The following CDKAL1 variants were observed in gnomAD, a reference collection of about 807,000 sequenced individuals.
The protein encoded by CDKAL1 is threonylcarbamoyladenosine tRNA methylthiotransferase.
Under a neutral mutation model 68.2 loss-of-function variants are expected in CDKAL1, and 32 were observed. The ratio of observed to expected loss-of-function variants is 0.47; its 90% CI spans 0.35 to 0.63. CDKAL1 has a LOEUF of 0.63. CDKAL1 is among the 30% of genes least tolerant of loss of function. The probability of loss-of-function intolerance (pLI) is 0.00; values close to 1 mark genes in which losing one functional copy is unlikely to be tolerated. For missense variants in CDKAL1, 606 were observed against 696.7 expected (o/e 0.87, Z 1.47); for synonymous variants, 234 against 244.3 (o/e 0.96, Z 0.39).
At chr6:21,068,250 G>T (rs980288184) in intron 12 of CDKAL1, among the ~76,000 whole-genome samples, 5 of 151,692 alleles carry the variant, frequency 3.3e-5, no homozygotes, top group African/African-American at 7.3e-5. Flanking sequence ...TTATGTTAGT[G>T]CTTTTTGTGT....
chr6:20,540,710 C>A (rs1171117697), intron 2 of CDKAL1, among the ~76,000 whole-genome samples: 1 of 152,212 alleles, frequency 6.6e-6, no homozygotes, highest in African/African-American at 2.4e-5. Flanking sequence ...TCCGCCTCAG[C>A]CTCCCAAAGT....
At chr6:21,095,304 C>T (rs1298563887) in intron 12 of CDKAL1, among the ~76,000 whole-genome samples, 1 of 152,116 alleles carries the variant, frequency 6.6e-6, no homozygotes, top group Non-Finnish European at 1.5e-5. Flanking sequence ...AAGTGGTGGA[C>T]CTGAGGCATC....
chr6:21,174,427 G>A (rs1381705504), intron 13 of CDKAL1, among the ~76,000 whole-genome samples: 1 of 152,022 alleles, frequency 6.6e-6, no homozygotes, highest in Non-Finnish European at 1.5e-5. Context: ...GGTAAACAAA[G>A]TTTAAATGAG....
At chr6:20,848,279 G>GTTTTTTTGTTTTT (rs753304984) in intron 9 of CDKAL1, among the ~76,000 whole-genome samples, 60 of 62,342 alleles carry the variant, frequency 9.6e-4, no homozygotes, top group South Asian at 1.8e-3. Context: ...CTGGAAAGTT[G>GTTTTTTTGTTTTT]TTTTTTTTTT....
chr6:20,782,794 A>G (rs1444557650), intron 8 of CDKAL1, among the ~76,000 whole-genome samples: 1 of 150,944 alleles, frequency 6.6e-6, no homozygotes, highest in South Asian at 2.1e-4. Context: ...TATTGACTGA[A>G]TGAATGAATA....
intron 5 of CDKAL1, among the ~76,000 whole-genome samples, chr6:20,679,934 A>G (rs914394963): frequency 6.6e-6 from 1 of 151,980 alleles, no homozygotes. Context: ...TTGAATTACA[A>G]TCTTAAATAT....
intron 6 of CDKAL1, among the ~76,000 whole-genome samples, chr6:20,747,336 A>T (rs1045299513): frequency 6.6e-6 from 1 of 152,140 alleles, no homozygotes; most frequent in South Asian, 2.1e-4. Flanking sequence ...TGCTGATTTC[A>T]TTTCCTTTGG....
chr6:20,665,918 C>T (rs1399493085), intron 5 of CDKAL1, among the ~76,000 whole-genome samples: 1 of 151,584 alleles, frequency 6.6e-6, no homozygotes, highest in Non-Finnish European at 1.5e-5. Flanking sequence ...CATCTAGCAC[C>T]TCTGACTTCG....
At chr6:20,594,599 A>G (rs959341450) in intron 4 of CDKAL1, among the ~76,000 whole-genome samples, 2 of 152,120 alleles carry the variant, frequency 1.3e-5, no homozygotes, top group Non-Finnish European at 2.9e-5. Context: ...GGTCTCCTGA[A>G]TACAGCATGC....
chr6:20,935,725 C>T (rs941417124), intron 9 of CDKAL1, among the ~76,000 whole-genome samples: 12 of 152,112 alleles, frequency 7.9e-5, no homozygotes, highest in Admixed American at 3.3e-4. Flanking sequence ...CCACCATGCC[C>T]GGCCAAAATT....
chr6:20,764,891 A>G (rs1774625808), intron 7 of CDKAL1, among the ~76,000 whole-genome samples: 3 of 152,272 alleles, frequency 2.0e-5, no homozygotes, highest in South Asian at 4.1e-4. Flanking sequence ...TACAGTTAGT[A>G]TAGTCTGAAT....
chr6:21,069,774 C>CTTT (rs60241965), intron 12 of CDKAL1, among the ~76,000 whole-genome samples: 10 of 69,942 alleles, frequency 1.4e-4, no homozygotes, highest in African/African-American at 1.8e-4. Flanking sequence ...GATTTTCTTT[C>CTTT]TTTTTTTTTT....
intron 11 of CDKAL1, among the ~76,000 whole-genome samples, chr6:21,054,127 G>A (rs1770699714): frequency 6.6e-6 from 1 of 152,074 alleles, no homozygotes; most frequent in Non-Finnish European, 1.5e-5. Context: ...ATATTTTTGT[G>A]TATAATGTAA....
rs187662087 is a variant in CDKAL1 at position 21,077,215 on chromosome 6, C to T, written c.1236+11987C>T. ...GTTATCTACATTTCCCATTCTTTCA[C>T]CTTCTATTTTATTATGAATCTAATG... On this transcript the variant is annotated intron_variant, in intron 12 of 15. Transcript: ENST00000274695. 3.3e-3 allele frequency among the ~76,000 whole-genome samples: 504 copies of T among 152,142 alleles called. 3 individuals carry two copies. Among genetic ancestry groups the T allele is most frequent in the Non-Finnish European group, 5.5e-3 (375 of 67,990 alleles).
At chr6:21,171,344 C>G (rs928147483) in intron 13 of CDKAL1, among the ~76,000 whole-genome samples, 3 of 151,966 alleles carry the variant, frequency 2.0e-5, no homozygotes, top group African/African-American at 7.3e-5. Flanking sequence ...TCCCGAGTAG[C>G]TGGGATTACA....
rs1368186937 is a variant in CDKAL1, at chr6:21,103,075, C to T, written c.1237-5326C>T. Among the ~76,000 whole-genome samples the T allele has an allele frequency of 3.9e-5, 6 of 152,102 alleles. No individual in the cohort carries two copies. In the South Asian group the frequency reaches 6.2e-4, roughly 16 times the overall value. ...GTAGGCTTTATCATTTTTAAGAATC[C>T]GTATGTAGAAATGAAGTCCATAGTC... is the stretch of plus-strand genomic sequence containing the variant. On this transcript the variant is annotated intron_variant, in intron 12 of 15. Coordinates refer to ENST00000274695, the MANE Select transcript of CDKAL1 (RefSeq NM_017774.3).
chr6:20,986,371 T>A (rs542581663), intron 10 of CDKAL1, among the ~76,000 whole-genome samples: 1 of 152,304 alleles, frequency 6.6e-6, no homozygotes, highest in African/African-American at 2.4e-5. Context: ...CTTTTAATAA[T>A]GGTTGTTTTC....
At position 21,104,489 on chromosome 6, in the gene CDKAL1, T is replaced by G. The variant is rs149762848; in HGVS notation, c.1237-3912T>G. Among the ~76,000 whole-genome samples the G allele has an allele frequency of 1.3e-3, 192 of 151,588 alleles. 2 individuals carry two copies. The highest frequency in any genetic ancestry group is 4.5e-3 in the African/African-American group (184 of 41,264). On this transcript the variant is annotated intron_variant, in intron 12 of 15. Coordinates refer to ENST00000274695, the MANE Select transcript of CDKAL1 (RefSeq NM_017774.3). ...GGCCAGATAGTAAATACTTTAGGAT[T>G]TGTGGCTGTATTTCAGTAAAACTTT...
chr6:21,129,325 T>A (rs1284819467), intron 13 of CDKAL1, among the ~76,000 whole-genome samples: 1 of 151,908 alleles, frequency 6.6e-6, no homozygotes, highest in Non-Finnish European at 1.5e-5. Context: ...AAAAGAAACC[T>A]AACCAGCTGG....
Sources: gnomAD v4.1 joint callset for allele counts (sites outside exome capture counted in the v4.1 genomes callset) on GRCh38, gnomAD v4.1.1 for gene constraint, MANE v1.5 for transcripts, NCBI Gene and HGNC (gene_info 2026-07-23, HGNC 2026-07-21) for gene names.